ADGRE3: variants seen among roughly 807,000 people sequenced by gnomAD.
ADGRE3 encodes the protein adhesion G protein-coupled receptor E3, also known as EGF-like module receptor 3.
Under a neutral mutation model 80.1 loss-of-function variants are expected in ADGRE3, and 88 were observed. That is an observed-to-expected ratio of 1.10 (90% CI 0.93 to 1.31). The LOEUF is 1.31. Among genes scored for constraint, ADGRE3 ranks in the 40% most tolerant of loss-of-function variants. The probability of loss-of-function intolerance (pLI) is 0.00; values close to 1 mark genes in which losing one functional copy is unlikely to be tolerated. For missense variants in ADGRE3, 715 were observed against 776.5 expected (o/e 0.92, Z 0.94); for synonymous variants, 281 against 294.8 (o/e 0.95, Z 0.48).
At chr19:14,629,066 C>A (rs368767055) in intron 14 of ADGRE3, among the ~76,000 whole-genome samples, 2 of 151,916 alleles carry the variant, frequency 1.3e-5, no homozygotes, top group Non-Finnish European at 2.9e-5. Flanking sequence ...GGATTACAGG[C>A]GCCTCCATCA....
At chr19:14,623,298 A>AT (rs1555753571) in intron 15 of ADGRE3, among the ~76,000 whole-genome samples, 1,219 of 40,028 alleles carry the variant, frequency 0.03, 393 homozygotes, top group African/African-American at 0.13. Context: ...AAAAAAAAAA[A>AT]TAAAAAAAAA....
At chr19:14,608,538 T>G in the ADGRE3 span, among the ~76,000 whole-genome samples, 1 of 151,836 alleles carries the variant, frequency 6.6e-6, no homozygotes, top group Admixed American at 6.6e-5. Flanking sequence ...CATTGCAACA[T>G]CTCAGTCTTT....
intron 11 of ADGRE3, among the ~76,000 whole-genome samples, chr19:14,636,057 C>CTTCCTTCCTTCCTTCCTTCCTTTCCT (rs1555755759): frequency 3.1e-5 from 2 of 63,604 alleles, no homozygotes; most frequent in Non-Finnish European, 6.3e-5. Context: ...TCCTTCCTTC[C>CTTCCTTCCTTCCTTCCTTCCTTTCCT]TTCCTTTCCT....
chr19:14,650,120 C>G (rs567698401), intron 7 of ADGRE3, among the ~76,000 whole-genome samples: 1 of 150,252 alleles, frequency 6.7e-6, no homozygotes, highest in Admixed American at 6.6e-5. Context: ...CTCCTCATCT[C>G]TCTCTTTCCA....
intron 15 of ADGRE3, among the ~76,000 whole-genome samples, chr19:14,620,562 ATATATATTTTT>A (rs1970566343): frequency 4.5e-5 from 1 of 22,076 alleles, no homozygotes; most frequent in African/African-American, 1.8e-4. Context: ...ATATATATAT[ATATATATTTTT>A]TTTTTTTTTT....
the ADGRE3 span, among the ~76,000 whole-genome samples, chr19:14,608,854 C>T: frequency 6.7e-6 from 1 of 148,492 alleles, no homozygotes; most frequent in African/African-American, 2.5e-5. Context: ...AGCTGTAGTG[C>T]AGTGGCACAA....
chr19:14,604,853 G>C, the ADGRE3 span, among the ~76,000 whole-genome samples: 4 of 152,026 alleles, frequency 2.6e-5, no homozygotes, highest in Non-Finnish European at 5.9e-5. Flanking sequence ...ACATCAATTG[G>C]CATTGCCTAT....
At chr19:14,647,070 T>C in intron 8 of ADGRE3, 111 bp downstream of exon 8, 1 of 771,882 alleles carries the variant, frequency 1.3e-6, no homozygotes, top group Non-Finnish European at 2.1e-6. Flanking sequence ...CAGGTGCTCC[T>C]GACTACGACC....
intron 14 of ADGRE3, chr19:14,628,658 C>A: frequency 2.8e-6 from 1 of 353,420 alleles, no homozygotes; most frequent in Non-Finnish European, 5.5e-6. Flanking sequence ...TCATCATGCC[C>A]ACTGCTGTTC....
intron 13 of ADGRE3, among the ~76,000 whole-genome samples, 195 bp downstream of exon 13, chr19:14,632,726 T>G (rs999442531): frequency 6.6e-6 from 1 of 151,858 alleles, no homozygotes; most frequent in Admixed American, 6.6e-5. Context: ...CTTTTTTTTT[T>G]TTGAGATTTT....
At chr19:14,651,599 A>T (rs1276679777) in intron 6 of ADGRE3, among the ~76,000 whole-genome samples, 3 of 152,204 alleles carry the variant, frequency 2.0e-5, no homozygotes. Flanking sequence ...ACCTTTGAAG[A>T]TACAGTTCTA....
At chr19:14,620,474 T>C (rs554750216) in intron 15 of ADGRE3, among the ~76,000 whole-genome samples, 1,899 of 30,508 alleles carry the variant, frequency 0.062, 56 homozygotes, top group African/African-American at 0.13. Context: ...GAATATATTA[T>C]GAGTACATAT....
chr19:14,648,409 C>T (rs1163230136), intron 7 of ADGRE3, among the ~76,000 whole-genome samples: 3 of 152,150 alleles, frequency 2.0e-5, no homozygotes, highest in Non-Finnish European at 4.4e-5. Context: ...TAGATCAGAG[C>T]AGATGGACAG....
At chr19:14,616,498 C>A (rs2075075925), downstream of ADGRE3, among the ~76,000 whole-genome samples, 1 of 151,586 alleles carries the variant, frequency 6.6e-6, no homozygotes, top group Non-Finnish European at 1.5e-5. Flanking sequence ...TGGGAAAGTC[C>A]CGGGTAAACC....
Position 14,658,570 on chromosome 19 carries a change from G to A in ADGRE3, c.356-20C>T, listed in dbSNP as rs199935478. 2 of 1,545,388 alleles carry A rather than the reference G, an allele frequency of 1.3e-6. No individual in the cohort carries two copies. Among genetic ancestry groups the A allele is most frequent in the Admixed American group, 1.9e-5 (1 of 53,696 alleles). ...TGGTGTCTGCAAAAGACATCATGAT[G>A]GAGTTACTATTGGAACTGAGAGTGA... On this transcript the variant is annotated intron_variant, in intron 4 of 15. Coordinates refer to ENST00000253673, the MANE Select transcript of ADGRE3 (RefSeq NM_032571.5).
intron 7 of ADGRE3, among the ~76,000 whole-genome samples, chr19:14,650,297 T>C (rs1005580551): frequency 2.0e-5 from 3 of 150,726 alleles, no homozygotes; most frequent in Non-Finnish European, 3.0e-5. Flanking sequence ...TCCACCACTC[T>C]CCCCATCTCT....
chr19:14,670,853 T>C (rs916830831), intron 1 of ADGRE3, among the ~76,000 whole-genome samples: 5 of 152,224 alleles, frequency 3.3e-5, no homozygotes, highest in African/African-American at 7.2e-5. Context: ...GATAACCCAT[T>C]ACACCACATA....
At chr19:14,607,902 G>A in the ADGRE3 span, among the ~76,000 whole-genome samples, 2 of 150,298 alleles carry the variant, frequency 1.3e-5, no homozygotes, top group Non-Finnish European at 1.5e-5. Flanking sequence ...AGACAGTCTC[G>A]CCCTGTCACC....
rs373442511 is a variant in ADGRE3 at position 14,633,232 on chromosome 19, T to G, written c.1551+4A>C. On this transcript the variant is annotated splice_donor_region_variant and intron_variant, in intron 12 of 15. Coordinates refer to ENST00000253673, the MANE Select transcript of ADGRE3 (RefSeq NM_032571.5). ...GTTTGGGAACATCGAAGGCACATAC[T>G]CACAGAGAAAATGGCACAGACTGGG... 3.1e-6 allele frequency: 5 copies of G among 1,611,564 alleles called. No homozygotes were observed. The African/African-American group carries it at 6.7e-5, about 22-fold the overall frequency.
Sources: gnomAD v4.1 joint callset for allele counts (sites outside exome capture counted in the v4.1 genomes callset) on GRCh38, gnomAD v4.1.1 for gene constraint, MANE v1.5 for transcripts, NCBI Gene and HGNC (gene_info 2026-07-23, HGNC 2026-07-21) for gene names.